PXDN: variants seen among roughly 807,000 people sequenced by gnomAD.
The protein encoded by PXDN is peroxidasin homolog.
In PXDN, 77 loss-of-function variants were observed where a neutral mutation model predicts 140.3. That is an observed-to-expected ratio of 0.55 (90% confidence interval 0.46 to 0.66). The LOEUF (loss-of-function observed/expected upper bound fraction) is 0.66. Among genes scored for constraint, PXDN ranks in the 30% least tolerant of loss-of-function variants. PXDN has a pLI of 0.00. For missense variants in PXDN, 1,838 were observed against 2,039.5 expected (o/e 0.90, Z 1.90); for synonymous variants, 911 against 857.4 (o/e 1.06, Z -1.09).
intron 1 of PXDN, among the ~76,000 whole-genome samples, chr2:1,720,340 G>A: frequency 9.0e-6 from 1 of 111,234 alleles, no homozygotes; most frequent in Non-Finnish European, 1.9e-5. Flanking sequence ...AGAGAGGGAG[G>A]GATGCAGAGA....
chr2:1,687,648 C>G lies in PXDN; in HGVS notation c.400G>C (p.Ala134Pro), dbSNP rs756631872. The G allele has an allele frequency of 2.6e-6, 4 of 1,521,172 alleles. No homozygotes were observed. The highest frequency in any genetic ancestry group is 3.6e-6 in the Non-Finnish European group (4 of 1,100,170). The allele number at this position is 1,521,172 out of a possible 1,614,324, so 94.2% of individuals were successfully genotyped here. ...SIDRQAFKGL[A>P]SLEQLYLHFN... ...GGCACTTACAGTTGCTCTAGAGAGG[C>G]AAGTCCCTTAAATGCTTGCCTGTCA... Residue 134 changes from alanine (A) to proline (P), a missense_variant, in exon 4 of 23, where the codon GCC (alanine) becomes CCC (proline). Ala to Pro is a conservative substitution (Grantham distance 27). Around this residue, in one of 5 missense-constraint regions of PXDN, gnomAD observed 231 missense variants for 201.5 expected, o/e 1.15. Coordinates refer to ENST00000252804, the MANE Select transcript of PXDN (RefSeq NM_012293.3). The surrounding 1 kb of genome is among the most constrained non-coding windows in gnomAD (Gnocchi z 4.0).
chr2:1,659,602 G>A (rs1159062714), intron 14 of PXDN, among the ~76,000 whole-genome samples: 3 of 152,032 alleles, frequency 2.0e-5, no homozygotes, highest in Non-Finnish European at 4.4e-5. Context: ...ACGGGTGGAC[G>A]ATTAAATTTC....
intron 8 of PXDN, among the ~76,000 whole-genome samples, chr2:1,674,937 T>C (rs1558502829): frequency 6.6e-6 from 1 of 152,196 alleles, no homozygotes; most frequent in Non-Finnish European, 1.5e-5. Flanking sequence ...GCACCAGCAC[T>C]GTGCAAAAGC....
At chr2:1,741,195 C>G (rs1160682593) in intron 1 of PXDN, among the ~76,000 whole-genome samples, 2 of 152,086 alleles carry the variant, frequency 1.3e-5, no homozygotes, top group Admixed American at 6.6e-5. Flanking sequence ...TGTGACCTCC[C>G]CAAAAAGCCT....
At chr2:1,654,031 T>C (rs535321005) in intron 15 of PXDN, 1 of 522,734 alleles carries the variant, frequency 1.9e-6, no homozygotes, top group South Asian at 3.0e-5. Flanking sequence ...AGATATTGCA[T>C]TTCACATAAG....
At chr2:1,743,686 G>A (rs1297613008) in intron 1 of PXDN, among the ~76,000 whole-genome samples, 1 of 65,328 alleles carries the variant, frequency 1.5e-5, no homozygotes, top group African/African-American at 9.1e-5. Context: ...GGAGGAAGGG[G>A]AGGAGGAGGA....
At position 1,654,448 on chromosome 2, in the gene PXDN, G is replaced by A. The variant is rs747507464; in HGVS notation, c.1898C>T (p.Ala633Val). ...FVATSIVEAI[A>V]TVDRAINSTR... ...TGAGTTTATAGCTCTGTCAACAGTC[G>A]CAATCGCTTCCACGATGGAGGTAGC... The change falls in exon 15 of 23, where the codon GCG (alanine) becomes GTG (valine). Residue 633 changes from alanine (A) to valine (V), a missense_variant. This residue lies in a region of PXDN where 537 missense variants were observed against 583.9 expected (regional missense o/e 0.92). Coordinates refer to ENST00000252804, the MANE Select transcript of PXDN (RefSeq NM_012293.3). 4.3e-5 allele frequency: 69 copies of A among 1,613,632 alleles called. No individual in the cohort carries two copies. The highest frequency in any genetic ancestry group is 1.3e-4 in the Admixed American group (8 of 59,994).
intron 7 of PXDN, 86 bp downstream of exon 7, chr2:1,680,107 T>TCGTGTGTGTAGATGG: frequency 1.3e-5 from 14 of 1,085,344 alleles, no homozygotes; most frequent in Non-Finnish European, 1.7e-5. Context: ...TGTGTGGATG[T>TCGTGTGTGTAGATGG]TGTGTGTGTA....
intron 21 of PXDN, among the ~76,000 whole-genome samples, chr2:1,638,061 C>A (rs896034879): frequency 4.6e-5 from 7 of 152,148 alleles, no homozygotes; most frequent in Admixed American, 4.6e-4. Flanking sequence ...TACCTTGGGG[C>A]TACACTAGGA....
At position 1,725,667 on chromosome 2, in the gene PXDN, C is replaced by A. The variant is rs552012240; in HGVS notation, c.200+18589G>T. Among the ~76,000 whole-genome samples the A allele has an allele frequency of 3.3e-5, 5 of 152,262 alleles. No individual in the cohort carries two copies. In the East Asian group the frequency reaches 9.7e-4, roughly 29 times the overall value. On this transcript the variant is annotated intron_variant, in intron 1 of 22. Transcript: ENST00000252804. ...CCTACAGAATGGGAGAAAATTTTCG[C>A]GACCTACTCTTCTGACAAAGGGCTA...
In PXDN at chr2:1,635,448, G is replaced by A; in HGVS notation, c.4280C>T (p.Thr1427Ile). Residue 1427 changes from threonine to isoleucine, a missense_variant, in exon 22 of 23, where the codon ACC (threonine) becomes ATC (isoleucine). Around this residue, in one of 5 missense-constraint regions of PXDN, gnomAD observed 850 missense variants for 894.1 expected, o/e 0.95. Coordinates refer to ENST00000252804, the MANE Select transcript of PXDN (RefSeq NM_012293.3). ...GGTGCATGCATCTTTTTTCCACTTG[G>A]TGTTGTTGGCGTGAGATTCGCCCCC... is the stretch of plus-strand genomic sequence containing the variant. ...DAGGESHANN[T>I]KWKKDACTIC... 1 of 1,601,360 alleles carries A rather than the reference G, an allele frequency of 6.2e-7. No homozygotes were observed. Among genetic ancestry groups the A allele is most frequent in the East Asian group, 2.2e-5 (1 of 44,560 alleles).
rs748082906 is a variant in PXDN at position 1,648,312 on chromosome 2, G to A, written c.3468C>T (p.Ala1156=). The change falls in exon 17 of 23, where the codon GCC becomes GCT. Residue 1156 remains alanine (A), a synonymous_variant. Transcript: ENST00000252804. The surrounding 1 kb of genome is among the most constrained non-coding windows in gnomAD (Gnocchi z 8.9). ...GGTCCCGGCCCCGCTGGATGTTGAT[G>A]GCCGCCAGGTCCAGAGCCACCGTGT... is the stretch of plus-strand genomic sequence containing the variant. The part of the protein sequence containing the change: ...MAHTVALDLA[A]INIQRGRDHG... 4 of 1,613,912 alleles carry A rather than the reference G, an allele frequency of 2.5e-6. No homozygotes were observed. In the East Asian group the frequency reaches 8.9e-5, roughly 36 times the overall value.
chr2:1,686,873 G>A (rs1684071519), intron 4 of PXDN, among the ~76,000 whole-genome samples: 1 of 152,200 alleles, frequency 6.6e-6, no homozygotes, highest in Non-Finnish European at 1.5e-5. Context: ...GCTGTGGCAG[G>A]AGGACGTCAC....
chr2:1,696,273 A>G (rs1684299579), intron 1 of PXDN, among the ~76,000 whole-genome samples: 1 of 152,228 alleles, frequency 6.6e-6, no homozygotes. Flanking sequence ...TTCTCATCAC[A>G]TTTCTGTGGA....
At chr2:1,692,693 G>C in intron 2 of PXDN, 1 of 453,814 alleles carries the variant, frequency 2.2e-6, no homozygotes, top group South Asian at 1.6e-5. Flanking sequence ...TCCACACTCA[G>C]AAGAAGCACT....
chr2:1,661,341 C>T (rs184607122), intron 13 of PXDN, among the ~76,000 whole-genome samples: 1 of 152,262 alleles, frequency 6.6e-6, no homozygotes, highest in Non-Finnish European at 1.5e-5. Context: ...CTTAGACACC[C>T]GCTATGGTGG....
In PXDN at chr2:1,687,480, C is replaced by G. The variant is rs1684088415; in HGVS notation, c.416+152G>C. 6.6e-6 allele frequency among the ~76,000 whole-genome samples: 1 copy of G among 152,192 alleles called. No homozygotes were observed. On this transcript the variant is annotated intron_variant, in intron 4 of 22. Coordinates refer to ENST00000252804, the MANE Select transcript of PXDN (RefSeq NM_012293.3). This position sits in a 1 kb window ranked among gnomAD's most constrained non-coding sequence, Gnocchi z 4.0. ...GCGGAGGGCAAATGACTCGCCCATCCCTGTTTTTCCGTCATCATGCACGTA... is the reference window on the plus strand; with the variant it reads ...GCGGAGGGCAAATGACTCGCCCATCGCTGTTTTTCCGTCATCATGCACGTA...
intron 6 of PXDN, among the ~76,000 whole-genome samples, chr2:1,683,436 T>C (rs1683964292): frequency 1.5e-5 from 1 of 67,328 alleles, no homozygotes. Context: ...TTTTTAAGTC[T>C]TAATTGCCTA....
intron 17 of PXDN, among the ~76,000 whole-genome samples, chr2:1,646,382 T>C (rs184270588): frequency 3.5e-4 from 54 of 152,318 alleles, no homozygotes; most frequent in African/African-American, 1.2e-3. Context: ...GAGAGAATCA[T>C]CTGGGAGAGT....
Sources: gnomAD v4.1 joint callset for allele counts (sites outside exome capture counted in the v4.1 genomes callset) on GRCh38, gnomAD v4.1.1 for gene constraint, gnomAD v4.1.1 regional missense constraint, Gnocchi (gnomAD v3.1) non-coding constraint, MANE v1.5 for transcripts, NCBI Gene and HGNC (gene_info 2026-07-23, HGNC 2026-07-21) for gene names.